PRRX2: variants seen among roughly 807,000 people sequenced by gnomAD.
PRRX2 encodes paired mesoderm homeobox protein 2.
A neutral mutation model predicts 18.0 loss-of-function variants in PRRX2; 11 were observed. The observed-to-expected ratio is 0.61, with a 90% CI of 0.39 to 1.01. The LOEUF is 1.01. PRRX2 is among the 50% of genes least tolerant of loss of function. The probability of loss-of-function intolerance (pLI) is 0.01; values close to 1 mark genes in which losing one functional copy is unlikely to be tolerated. For missense variants in PRRX2, 387 were observed against 351.0 expected (o/e 1.10, Z -0.82); for synonymous variants, 177 against 154.8 (o/e 1.14, Z -1.06).
chr9:129,677,704 G>A (rs964786296), intron 1 of PRRX2, among the ~76,000 whole-genome samples: 1 of 152,234 alleles, frequency 6.6e-6, no homozygotes, highest in South Asian at 2.1e-4. Context: ...GAGACATCAT[G>A]TTTTAATTGG....
At chr9:129,677,886 G>C (rs923928737) in intron 1 of PRRX2, among the ~76,000 whole-genome samples, 1 of 152,128 alleles carries the variant, frequency 6.6e-6, no homozygotes, top group African/African-American at 2.4e-5. Flanking sequence ...CTGAAAGCAG[G>C]GTTGCTGTTT....
chr9:129,676,163 C>G (rs753834775), intron 1 of PRRX2, among the ~76,000 whole-genome samples: 8 of 152,174 alleles, frequency 5.3e-5, no homozygotes, highest in African/African-American at 2.4e-5. Context: ...GTCATTCACC[C>G]GCTCCTTGCT....
intron 3 of PRRX2, among the ~76,000 whole-genome samples, chr9:129,721,019 G>C (rs1232532961): frequency 7.5e-6 from 1 of 133,060 alleles, no homozygotes. Context: ...GGGCACACAT[G>C]ACTGTGAGTG....
intron 1 of PRRX2, among the ~76,000 whole-genome samples, chr9:129,712,278 T>G (rs10988482): frequency 0.13 from 19,534 of 152,234 alleles, 1,395 homozygotes; most frequent in East Asian, 0.23. Context: ...GGAGCTCACC[T>G]CAGCCCGGGG....
rs184667188 is a variant in PRRX2, at chr9:129,674,900, G to A, written c.259+8774G>A. ...TGCGTCAGAATCACCCAGGGAGCTGGTGCGTGTTCCCAGGTCCCACCCTGA... is the reference window on the plus strand; with the variant it reads ...TGCGTCAGAATCACCCAGGGAGCTGATGCGTGTTCCCAGGTCCCACCCTGA... On this transcript the variant is annotated intron_variant, in intron 1 of 3. Transcript: ENST00000372469. 2.2e-3 allele frequency among the ~76,000 whole-genome samples: 340 copies of A among 152,254 alleles called. 3 individuals carry two copies. The highest frequency in any genetic ancestry group is 8.0e-3 in the African/African-American group (334 of 41,524).
rs1832407242 is a variant in PRRX2, at chr9:129,695,287, T to A, written c.260-23944T>A. ...GCTAAGGGGGACAGAGGAGAGGCCA[T>A]GGAGGAGAAGGAAAGGCAAGAGGAC... On this transcript the variant is annotated intron_variant, in intron 1 of 3. Transcript: ENST00000372469. This position sits in a 1 kb window ranked among gnomAD's most constrained non-coding sequence, Gnocchi z 4.8. Among the ~76,000 whole-genome samples the A allele has an allele frequency of 6.6e-6, 1 of 152,126 alleles. No individual in the cohort carries two copies. Among genetic ancestry groups the A allele is most frequent in the African/African-American group, 2.4e-5 (1 of 41,416 alleles).
rs1410115847 is a variant in PRRX2, at chr9:129,671,995, G to A, written c.259+5869G>A. 1.1e-4 allele frequency among the ~76,000 whole-genome samples: 17 copies of A among 152,302 alleles called. No homozygotes were observed. The East Asian group carries it at 2.1e-3, about 19-fold the overall frequency. On this transcript the variant is annotated intron_variant, in intron 1 of 3. Transcript: ENST00000372469. The surrounding 1 kb of genome is among the most constrained non-coding windows in gnomAD (Gnocchi z 4.0). ...CTCTGTGCCTATGTTAGGCGTTTCT[G>A]AGTAGGTGGGGGCAGGAAGGAAGGT...
chr9:129,700,894 C>T (rs552323754), intron 1 of PRRX2, among the ~76,000 whole-genome samples: 2 of 152,388 alleles, frequency 1.3e-5, no homozygotes, highest in South Asian at 2.1e-4. Flanking sequence ...GCTGGGATTA[C>T]AGGCGTGAGC....
chr9:129,684,181 C>T lies in PRRX2; in HGVS notation c.259+18055C>T, dbSNP rs568411855. Among the ~76,000 whole-genome samples, 6 of 152,160 alleles carry T rather than the reference C, an allele frequency of 3.9e-5. No homozygotes were observed. In the South Asian group the frequency reaches 6.2e-4, roughly 16 times the overall value. On this transcript the variant is annotated intron_variant, in intron 1 of 3. Transcript: ENST00000372469. Reference sequence around the variant, plus strand: ...TTCTGCCAGGGTGAGGACAAGGGTACGGTTATAGTTGGACTTTGGCATTAT... The same window carrying T: ...TTCTGCCAGGGTGAGGACAAGGGTATGGTTATAGTTGGACTTTGGCATTAT...
At chr9:129,684,532 A>ACACACACACACACACACACAC (rs1165343797) in intron 1 of PRRX2, among the ~76,000 whole-genome samples, 1 of 140,282 alleles carries the variant, frequency 7.1e-6, no homozygotes, top group African/African-American at 2.9e-5. Flanking sequence ...ACCCACACAC[A>ACACACACACACACACACACAC]CCCCAACAGA....
chr9:129,670,068 G>C (rs28700131), intron 1 of PRRX2, among the ~76,000 whole-genome samples: 4,428 of 145,280 alleles, frequency 0.03, 239 homozygotes, highest in African/African-American at 0.1. Context: ...TAGGGATCTC[G>C]TATGTAAGTG....
chr9:129,673,652 CCA>C (rs3054761), intron 1 of PRRX2, among the ~76,000 whole-genome samples: 2,647 of 149,128 alleles, frequency 0.018, 55 homozygotes, highest in African/African-American at 0.049. Context: ...ACCCCCCATG[CCA>C]CACACACACA....
At chr9:129,669,057 GAAA>G (rs780732143) in intron 1 of PRRX2, among the ~76,000 whole-genome samples, 24 of 135,022 alleles carry the variant, frequency 1.8e-4, no homozygotes, top group Non-Finnish European at 1.6e-4. Context: ...TGAGGCAGGA[GAAA>G]AAAAAAAGAA....
At position 129,709,094 on chromosome 9, in the gene PRRX2, T is replaced by C. The variant is rs928974402; in HGVS notation, c.260-10137T>C. 7.2e-5 allele frequency among the ~76,000 whole-genome samples: 11 copies of C among 151,942 alleles called. No individual in the cohort carries two copies. The highest frequency in any genetic ancestry group is 2.7e-4 in the African/African-American group (11 of 41,356). ...TCAGGGCTGGGCATGTAGGCTGAAA[T>C]CCAGGGCTGGGTCAGCTTTAGCCAG... On this transcript the variant is annotated intron_variant, in intron 1 of 3. Coordinates refer to ENST00000372469, the MANE Select transcript of PRRX2 (RefSeq NM_016307.4). The surrounding 1 kb of genome is among the most constrained non-coding windows in gnomAD (Gnocchi z 4.2).
chr9:129,700,043 C>T (rs778217112), intron 1 of PRRX2, among the ~76,000 whole-genome samples: 2 of 152,210 alleles, frequency 1.3e-5, no homozygotes, highest in Non-Finnish European at 2.9e-5. Context: ...GGAACGCACA[C>T]GCACCTAACT....
chr9:129,699,445 G>A (rs1280990765), intron 1 of PRRX2, among the ~76,000 whole-genome samples: 47 of 148,912 alleles, frequency 3.2e-4, no homozygotes, highest in African/African-American at 1.1e-3. Context: ...ATATATGTGT[G>A]TGTGTGTGTG....
intron 1 of PRRX2, among the ~76,000 whole-genome samples, chr9:129,668,105 C>T (rs575909989): frequency 1.6e-4 from 25 of 152,286 alleles, no homozygotes; most frequent in East Asian, 9.7e-4. Context: ...CCCTGGGCTC[C>T]GCCCGGGGTG....
chr9:129,669,837 A>G (rs1832077917), intron 1 of PRRX2, among the ~76,000 whole-genome samples: 1 of 151,942 alleles, frequency 6.6e-6, no homozygotes, highest in Admixed American at 6.6e-5. Context: ...TTATTGCGAT[A>G]AAAGATGCCT....
intron 1 of PRRX2, among the ~76,000 whole-genome samples, chr9:129,697,703 C>G (rs1832444524): frequency 6.6e-6 from 1 of 152,048 alleles, no homozygotes; most frequent in Non-Finnish European, 1.5e-5. Flanking sequence ...ACCCACGAGA[C>G]GGGTGGGGTC....
Sources: allele counts gnomAD v4.1 joint callset (sites outside exome capture counted in the v4.1 genomes callset), GRCh38; gene constraint gnomAD v4.1.1; non-coding constraint Gnocchi (gnomAD v3.1); transcripts MANE v1.5; gene names NCBI Gene and HGNC (gene_info 2026-07-23, HGNC 2026-07-21).